Variants in FRMPD1 observed in about 807,000 individuals in gnomAD.
FRMPD1 encodes the protein FERM and PDZ domain-containing protein 1.
A neutral mutation model predicts 117.8 loss-of-function variants in FRMPD1; 76 were observed. That is an observed-to-expected ratio of 0.65 (90% CI 0.54 to 0.78). The LOEUF (loss-of-function observed/expected upper bound fraction) is 0.78. Ranked by LOEUF, FRMPD1 falls within the 30% of genes least tolerant of loss-of-function variation. The pLI is 0.00. For missense variants in FRMPD1, 1,786 were observed against 1,964.5 expected (o/e 0.91, Z 1.72); for synonymous variants, 783 against 770.4 (o/e 1.02, Z -0.27).
At chr9:37,732,211 G>T in intron 9 of FRMPD1, 93 bp from the exon 10 acceptor site, 1 of 1,345,292 alleles carries the variant, frequency 7.4e-7, no homozygotes. Flanking sequence ...TCTCAAAGCG[G>T]AGCTCCTGGT....
At chr9:37,738,699 C>G (rs988972368) in intron 14 of FRMPD1, among the ~76,000 whole-genome samples, 1 of 152,120 alleles carries the variant, frequency 6.6e-6, no homozygotes, top group African/African-American at 2.4e-5. Flanking sequence ...AGAGTCTGCT[C>G]AGGGAGACAA....
intron 1 of FRMPD1, among the ~76,000 whole-genome samples, chr9:37,658,888 A>G (rs1414511858): frequency 6.6e-6 from 1 of 151,966 alleles, no homozygotes; most frequent in Non-Finnish European, 1.5e-5. Flanking sequence ...TATTTTTGAG[A>G]CTGGGTTTGG....
intron 5 of FRMPD1, among the ~76,000 whole-genome samples, chr9:37,712,672 A>C (rs1822954278): frequency 6.6e-6 from 1 of 152,228 alleles, no homozygotes; most frequent in Non-Finnish European, 1.5e-5. Context: ...GTACTTCTTA[A>C]AAGTAATTAT....
intron 2 of FRMPD1, among the ~76,000 whole-genome samples, chr9:37,694,944 C>A (rs537309443): frequency 5.3e-4 from 81 of 151,742 alleles, no homozygotes; most frequent in South Asian, 2.1e-3. Context: ...GGAATATTTT[C>A]TTTGTTCATT....
At chr9:37,723,428 G>T (rs987488724) in intron 6 of FRMPD1, among the ~76,000 whole-genome samples, 1 of 152,180 alleles carries the variant, frequency 6.6e-6, no homozygotes, top group Non-Finnish European at 1.5e-5. Context: ...AAGCATGCCT[G>T]TGCATTGAAG....
chr9:37,735,184 A>C (rs1824063254), intron 12 of FRMPD1, among the ~76,000 whole-genome samples: 1 of 152,226 alleles, frequency 6.6e-6, no homozygotes, highest in African/African-American at 2.4e-5. Flanking sequence ...AAGGAGGCTG[A>C]GATCAGGCAG....
chr9:37,672,324 A>T (rs1044283743), intron 1 of FRMPD1, among the ~76,000 whole-genome samples: 5 of 152,184 alleles, frequency 3.3e-5, no homozygotes, highest in African/African-American at 1.2e-4. Flanking sequence ...AAAGGAAGAG[A>T]TCCACTAGGT....
At chr9:37,685,391 C>G (rs982803341) in intron 1 of FRMPD1, among the ~76,000 whole-genome samples, 1 of 152,120 alleles carries the variant, frequency 6.6e-6, no homozygotes, top group Non-Finnish European at 1.5e-5. Context: ...CGCCTGTAAT[C>G]CCAGCACTTT....
intron 2 of FRMPD1, among the ~76,000 whole-genome samples, chr9:37,703,236 T>C (rs1014372055): frequency 1.3e-5 from 2 of 152,220 alleles, no homozygotes; most frequent in African/African-American, 4.8e-5. Context: ...GTTTGTATTG[T>C]CATTCTTTAA....
At position 37,724,035 on chromosome 9, in the gene FRMPD1, C is replaced by T. The variant is rs559493693; in HGVS notation, c.517-190C>T. Reference sequence around the variant, plus strand: ...AAAATAAAAAAAAATAAAAGCCAGTCGTGGTGGCAGGTGCCTGTAATCCCA... The same window carrying T: ...AAAATAAAAAAAAATAAAAGCCAGTTGTGGTGGCAGGTGCCTGTAATCCCA... On this transcript the variant is annotated intron_variant, in intron 6 of 15. Coordinates refer to ENST00000377765, the MANE Select transcript of FRMPD1 (RefSeq NM_014907.3). 7.9e-5 allele frequency among the ~76,000 whole-genome samples: 12 copies of T among 151,698 alleles called. No individual in the cohort carries two copies. In the South Asian group the frequency reaches 8.3e-4, roughly 11 times the overall value.
At chr9:37,715,560 C>T (rs1288774359) in intron 5 of FRMPD1, 3 of 445,522 alleles carry the variant, frequency 6.7e-6, no homozygotes, top group Admixed American at 4.9e-5. Flanking sequence ...ATTTTATCAG[C>T]TGAGGTCTGC....
At chr9:37,685,528 T>A (rs1246454625) in intron 1 of FRMPD1, among the ~76,000 whole-genome samples, 1 of 151,824 alleles carries the variant, frequency 6.6e-6, no homozygotes, top group Admixed American at 6.6e-5. Flanking sequence ...GGCGGGCGCC[T>A]GTAGTCCCAG....
rs773296299 is a variant in FRMPD1 at position 37,711,379 on chromosome 9, T to A, written c.392T>A (p.Val131Asp). The change falls in exon 5 of 16, where the codon GTT becomes GAT. Residue 131 changes from valine to aspartate, a missense_variant. Val to Asp is a radical substitution (Grantham distance 152). Transcript: ENST00000377765. ...GCAGAAGATTCTCTTTCAATCACAGTTGTTCGCTGCACGTCGGTAAATCTC... is the reference window on the plus strand; with the variant it reads ...GCAGAAGATTCTCTTTCAATCACAGATGTTCGCTGCACGTCGGTAAATCTC... The part of the protein sequence containing the change: ...REAEDSLSIT[V>D]VRCTSGVPKS... The A allele has an allele frequency of 6.8e-6, 11 of 1,610,354 alleles. No individual in the cohort carries two copies. In the East Asian group the frequency reaches 2.2e-4, roughly 33 times the overall value.
the FRMPD1 span, among the ~76,000 whole-genome samples, chr9:37,626,966 G>A: frequency 2.6e-5 from 4 of 152,126 alleles, no homozygotes; most frequent in Admixed American, 6.5e-5. Flanking sequence ...GATTGTAAGT[G>A]TGTCTTCATT....
At position 37,744,459 on chromosome 9, in the gene FRMPD1, T is replaced by G. The variant is rs767859101; in HGVS notation, c.2427T>G (p.Pro809=). The G allele has an allele frequency of 3.1e-6, 5 of 1,614,030 alleles. No individual in the cohort carries two copies. The highest frequency in any genetic ancestry group is 8.5e-7 in the Non-Finnish European group (1 of 1,179,982). The change falls in exon 16 of 16, where the codon CCT becomes CCG. Residue 809 remains proline (P), a synonymous_variant. Coordinates refer to ENST00000377765, the MANE Select transcript of FRMPD1 (RefSeq NM_014907.3). ...AGAATAAGGCCAGCACTTCTAGCCC[T>G]GAGAACAGCCTGCCTTGTGGGCCAG... ...SLQNKASTSS[P]ENSLPCGPDG... is the part of the protein sequence containing the mutation.
At chr9:37,622,837 T>A in the FRMPD1 span, among the ~76,000 whole-genome samples, 1 of 152,116 alleles carries the variant, frequency 6.6e-6, no homozygotes, top group African/African-American at 2.4e-5. Flanking sequence ...AGTAGGATAT[T>A]TCAAAGCTGC....
chr9:37,611,642 A>G, the FRMPD1 span, among the ~76,000 whole-genome samples: 11 of 152,148 alleles, frequency 7.2e-5, no homozygotes, highest in Non-Finnish European at 1.6e-4. Flanking sequence ...ACTACAATAA[A>G]AGCTATGTGT....
intron 1 of FRMPD1, among the ~76,000 whole-genome samples, chr9:37,656,981 T>C (rs971155240): frequency 1.3e-5 from 2 of 152,116 alleles, no homozygotes; most frequent in Non-Finnish European, 2.9e-5. Flanking sequence ...AGATGGTAAA[T>C]TTAAAAGTTC....
intron 1 of FRMPD1, chr9:37,661,619 T>G (rs7032882): frequency 6.6e-6 from 1 of 151,962 alleles, no homozygotes; most frequent in South Asian, 2.1e-4. Context: ...ATTCCTGACA[T>G]GTTTGTTTCT....
Sources: allele counts gnomAD v4.1 joint callset (sites outside exome capture counted in the v4.1 genomes callset), GRCh38; gene constraint gnomAD v4.1.1; transcripts MANE v1.5; gene names NCBI Gene and HGNC (gene_info 2026-07-23, HGNC 2026-07-21).